MED15: variants seen among roughly 807,000 people sequenced by gnomAD.
MED15 encodes mediator of RNA polymerase II transcription subunit 15.
MED15 carries 41 observed loss-of-function variants against 118.7 expected under a neutral mutation model. The ratio of observed to expected loss-of-function variants is 0.35; its 90% CI spans 0.27 to 0.45. The LOEUF (loss-of-function observed/expected upper bound fraction) is 0.45. MED15 is among the 20% of genes least tolerant of loss of function. MED15 has a pLI of 1.00. For missense variants in MED15, 740 were observed against 1,025.5 expected (o/e 0.72, Z 3.80); for synonymous variants, 436 against 413.9 (o/e 1.05, Z -0.65).
chr22:20,530,445 G>A (rs139066047), intron 1 of MED15, among the ~76,000 whole-genome samples: 2 of 152,174 alleles, frequency 1.3e-5, no homozygotes, highest in African/African-American at 4.8e-5. Flanking sequence ...GTGAATCTGT[G>A]CCCCAGGGAG....
intron 9 of MED15, among the ~76,000 whole-genome samples, chr22:20,579,639 C>T (rs751074148): frequency 6.6e-6 from 1 of 152,164 alleles, no homozygotes; most frequent in Admixed American, 6.5e-5. Context: ...CTCTCTGGCC[C>T]ACTCGGTGTC....
chr22:20,532,426 C>T lies in MED15; in HGVS notation c.69-4691C>T, dbSNP rs548802646. On this transcript the variant is annotated intron_variant, in intron 1 of 17. Transcript: ENST00000263205. ...TGGACAGTAAGGACATCCTCAGACCCCTTAGTGGGGGAGCTCCAAGGGCCT... is the reference window on the plus strand; with the variant it reads ...TGGACAGTAAGGACATCCTCAGACCTCTTAGTGGGGGAGCTCCAAGGGCCT... Among the ~76,000 whole-genome samples, 14 of 152,234 alleles carry T rather than the reference C, an allele frequency of 9.2e-5. No individual in the cohort carries two copies. The South Asian group carries it at 2.7e-3, about 29-fold the overall frequency.
In MED15 at chr22:20,586,879, T is replaced by C. The variant is rs189107861; in HGVS notation, c.*175T>C. ...ATCCCACACCTGTACAGAACTGGGA[T>C]AGGCGCAGTGGAGCGGGTTGCTTGG... On this transcript the variant is annotated 3_prime_UTR_variant, in exon 18 of 18. Coordinates refer to ENST00000263205, the MANE Select transcript of MED15 (RefSeq NM_001003891.3). 2,587 of 1,024,086 alleles carry C rather than the reference T, an allele frequency of 2.5e-3. 7 individuals are homozygous for C. Among genetic ancestry groups the C allele is most frequent in the Non-Finnish European group, 3.3e-3 (2,409 of 726,334 alleles). 63.4% of individuals were successfully genotyped at this position (1,024,086 alleles called of 1,614,324 possible). A position where few individuals can be genotyped will look rare whatever the true frequency, so the allele number is the denominator to read the frequency against.
intron 9 of MED15, among the ~76,000 whole-genome samples, chr22:20,578,403 T>C (rs1193888113): frequency 6.6e-6 from 1 of 152,140 alleles, no homozygotes; most frequent in African/African-American, 2.4e-5. Flanking sequence ...CAGAGGGCCC[T>C]CCCCAGCTCA....
At chr22:20,581,435 C>G (rs1291650439) in intron 9 of MED15, among the ~76,000 whole-genome samples, 2 of 151,812 alleles carry the variant, frequency 1.3e-5, no homozygotes, top group Non-Finnish European at 2.9e-5. Context: ...GAGCCGTGGC[C>G]CGAGACAGGC....
At chr22:20,510,334 C>G (rs555493495) in intron 1 of MED15, among the ~76,000 whole-genome samples, 1 of 152,206 alleles carries the variant, frequency 6.6e-6, no homozygotes, top group South Asian at 2.1e-4. Context: ...TGCAGTGAGC[C>G]GAGATCGCAC....
intron 1 of MED15, among the ~76,000 whole-genome samples, chr22:20,513,777 C>A (rs1399238559): frequency 6.6e-6 from 1 of 152,152 alleles, no homozygotes; most frequent in Non-Finnish European, 1.5e-5. Flanking sequence ...AAGGGTGATA[C>A]CCCAATACCC....
At chr22:20,535,641 G>T (rs1297590135) in intron 1 of MED15, among the ~76,000 whole-genome samples, 1 of 147,248 alleles carries the variant, frequency 6.8e-6, no homozygotes, top group East Asian at 2.1e-4. Flanking sequence ...CTCACTGCCA[G>T]CTCCGCCTCC....
intron 1 of MED15, among the ~76,000 whole-genome samples, chr22:20,517,682 G>T (rs2054301540): frequency 6.6e-6 from 1 of 152,160 alleles, no homozygotes; most frequent in Non-Finnish European, 1.5e-5. Flanking sequence ...GTAGCAGGGG[G>T]ATTCCTAGAT....
In MED15 at chr22:20,544,344, C is replaced by T. The variant is rs535511640; in HGVS notation, c.157-7092C>T. The stretch of plus-strand genomic sequence containing the variant: ...TATGTTTCCTGTGGCTGCTATAACA[C>T]GTTACTACAAGCTTGGTGGCTTAAA... On this transcript the variant is annotated intron_variant, in intron 2 of 17. Coordinates refer to ENST00000263205, the MANE Select transcript of MED15 (RefSeq NM_001003891.3). 3.6e-4 allele frequency among the ~76,000 whole-genome samples: 55 copies of T among 152,270 alleles called. 1 individual carries two copies. Among genetic ancestry groups the T allele is most frequent in the Admixed American group, 2.9e-3 (45 of 15,290 alleles).
At chr22:20,585,523 GT>G in intron 16 of MED15, 1 of 683,722 alleles carries the variant, frequency 1.5e-6, no homozygotes, top group South Asian at 1.9e-5. Flanking sequence ...TAGGGAGGTG[GT>G]AGGCAGGACC....
chr22:20,515,452 AGCT>A lies in MED15; in HGVS notation c.68+7708_68+7710del, dbSNP rs1327432171. Among the ~76,000 whole-genome samples, 4 of 96,552 alleles carry A rather than the reference AGCT, an allele frequency of 4.1e-5. No individual in the cohort carries two copies. In the East Asian group the frequency reaches 1.2e-3, roughly 29 times the overall value. The allele number at this position is 96,552 out of a possible 152,430, so 63.3% of individuals were successfully genotyped here. On this transcript the variant is annotated intron_variant, in intron 1 of 17. Transcript: ENST00000263205. ...CATAAGATACACTAACACTAATGATAGCTGACGAGCTAAAAAAAAAAAATTGCC... is the reference window on the plus strand; with the variant it reads ...CATAAGATACACTAACACTAATGATAGACGAGCTAAAAAAAAAAAATTGCC...
intron 8 of MED15, among the ~76,000 whole-genome samples, chr22:20,572,966 CTTT>C (rs361635): frequency 1.4e-4 from 19 of 137,060 alleles, no homozygotes; most frequent in Non-Finnish European, 2.7e-4. Context: ...ATCTCATTTT[CTTT>C]TTTTTTTTTT....
intron 5 of MED15, among the ~76,000 whole-genome samples, chr22:20,563,913 T>A (rs1222484589): frequency 6.6e-6 from 1 of 152,214 alleles, no homozygotes; most frequent in Admixed American, 6.5e-5. Context: ...GAAAATCTTG[T>A]AATTGACTGT....
At chr22:20,528,045 C>T (rs1197575547) in intron 1 of MED15, among the ~76,000 whole-genome samples, 1 of 152,000 alleles carries the variant, frequency 6.6e-6, no homozygotes, top group African/African-American at 2.4e-5. Context: ...AGGTGCGAAC[C>T]ACTGCACCTG....
intron 2 of MED15, among the ~76,000 whole-genome samples, chr22:20,549,693 T>C (rs2055694950): frequency 6.6e-6 from 1 of 152,166 alleles, no homozygotes; most frequent in Non-Finnish European, 1.5e-5. Context: ...CCTGTGCTTG[T>C]TTCTCACATC....
chr22:20,566,536 C>T lies in MED15; in HGVS notation c.760C>T (p.Gln254Ter). 2 of 1,601,054 alleles carry T rather than the reference C, an allele frequency of 1.2e-6. No homozygotes were observed. The highest frequency in any genetic ancestry group is 1.7e-6 in the Non-Finnish European group (2 of 1,171,634). Residue 254 changes from glutamine (Q) to a stop codon, truncating the protein, a stop_gained, in exon 7 of 18, where the codon CAG becomes TAG. Transcript: ENST00000263205. LOFTEE classifies it high-confidence loss of function. Reference sequence around the variant, plus strand: ...GCTCCAACAACAGCAACAGCAGCAGCAGCAGCAGCAGCAGCAGCAGCAGCA... The same window carrying T: ...GCTCCAACAACAGCAACAGCAGCAGTAGCAGCAGCAGCAGCAGCAGCAGCA... ...LQLQQQQQQQ[Q>*]QQQQQQQQAL...
chr22:20,565,855 G>A (rs1362673599), intron 6 of MED15, among the ~76,000 whole-genome samples: 1 of 152,052 alleles, frequency 6.6e-6, no homozygotes, highest in Non-Finnish European at 1.5e-5. Context: ...AAGTTTCTAG[G>A]TATGCCCTTT....
At chr22:20,578,173 C>A (rs1405420597) in intron 9 of MED15, among the ~76,000 whole-genome samples, 1 of 152,226 alleles carries the variant, frequency 6.6e-6, no homozygotes, top group Non-Finnish European at 1.5e-5. Context: ...GATCCGCCCG[C>A]CTCGGTCTCC....
Sources: gnomAD v4.1 joint callset for allele counts (sites outside exome capture counted in the v4.1 genomes callset) on GRCh38, gnomAD v4.1.1 for gene constraint, MANE v1.5 for transcripts, NCBI Gene and HGNC (gene_info 2026-07-23, HGNC 2026-07-21) for gene names.